The following LRIF1 variants were observed in gnomAD, a reference collection of about 807,000 sequenced individuals.
LRIF1 encodes ligand dependent nuclear receptor interacting factor 1.
A neutral mutation model predicts 52.7 loss-of-function variants in LRIF1; 32 were observed. The observed-to-expected ratio is 0.61, with a 90% CI of 0.46 to 0.82. The LOEUF is 0.82. Among genes scored for constraint, LRIF1 ranks in the 40% least tolerant of loss-of-function variants. The pLI is 0.00. For missense variants in LRIF1, 887 were observed against 892.0 expected (o/e 0.99, Z 0.07); for synonymous variants, 323 against 317.4 (o/e 1.02, Z -0.19).
At chr1:110,936,380 A>G in the LRIF1 span, 1 of 152,194 alleles carries the variant, frequency 6.6e-6, no homozygotes, top group African/African-American at 2.4e-5. Flanking sequence ...CACAAATAGC[A>G]ATAACTTTTA....
At chr1:110,901,572 G>A in the LRIF1 span, among the ~76,000 whole-genome samples, 10 of 141,122 alleles carry the variant, frequency 7.1e-5, no homozygotes, top group Admixed American at 3.0e-4. Context: ...TGCCTCCCTA[G>A]TTCAAGCAAT....
downstream of LRIF1, among the ~76,000 whole-genome samples, chr1:110,943,005 T>C (rs535441856): frequency 3.4e-4 from 52 of 151,968 alleles, no homozygotes; most frequent in African/African-American, 1.2e-3. Flanking sequence ...TAAGAGATCA[T>C]AGAGAAGGGG....
chr1:110,911,329 G>A, the LRIF1 span, among the ~76,000 whole-genome samples: 5 of 152,210 alleles, frequency 3.3e-5, no homozygotes, highest in East Asian at 9.6e-4. Flanking sequence ...ATCAATTAAT[G>A]AGTTTCAAAA....
the LRIF1 span, among the ~76,000 whole-genome samples, chr1:110,909,732 C>T: frequency 6.6e-6 from 1 of 151,852 alleles, no homozygotes; most frequent in Admixed American, 6.6e-5. Flanking sequence ...AGGCATGCAT[C>T]ACCACACCTG....
At chr1:110,924,573 C>G in the LRIF1 span, among the ~76,000 whole-genome samples, 3 of 152,190 alleles carry the variant, frequency 2.0e-5, no homozygotes, top group Admixed American at 6.5e-5. Flanking sequence ...GTCGTGAGAA[C>G]TCACTATCAT....
chr1:110,901,598 C>T, the LRIF1 span, among the ~76,000 whole-genome samples: 4 of 151,698 alleles, frequency 2.6e-5, no homozygotes, highest in Admixed American at 2.6e-4. Flanking sequence ...GCCTCAGCCT[C>T]CTGAGTAGCT....
chr1:110,961,338 A>G (rs1183945495), intron 1 of LRIF1, among the ~76,000 whole-genome samples: 1 of 152,202 alleles, frequency 6.6e-6, no homozygotes, highest in South Asian at 2.1e-4. Context: ...TTTTTCATCA[A>G]ATGTTTAAAC....
the LRIF1 span, among the ~76,000 whole-genome samples, chr1:110,924,085 A>T: frequency 6.6e-6 from 1 of 152,160 alleles, no homozygotes; most frequent in Non-Finnish European, 1.5e-5. Flanking sequence ...CAGATATAAA[A>T]GTATTGTGAA....
chr1:110,877,368 G>C, the LRIF1 span, among the ~76,000 whole-genome samples: 96 of 152,264 alleles, frequency 6.3e-4, 1 homozygote, highest in Non-Finnish European at 1.2e-3. Flanking sequence ...AGACACCATG[G>C]ACAGGCCTCT....
At chr1:110,959,991 C>T (rs959152287) in intron 1 of LRIF1, among the ~76,000 whole-genome samples, 14 of 151,910 alleles carry the variant, frequency 9.2e-5, no homozygotes, top group Middle Eastern at 3.4e-3. Flanking sequence ...ACATATAGAA[C>T]ATAATATATC....
the LRIF1 span, among the ~76,000 whole-genome samples, chr1:110,909,744 C>T: frequency 2.6e-5 from 4 of 151,912 alleles, no homozygotes; most frequent in African/African-American, 9.7e-5. Flanking sequence ...CCACACCTGG[C>T]TAATTTTTGT....
chr1:110,951,616 T>G lies in LRIF1; in HGVS notation c.1268A>C (p.Gln423Pro). The change falls in exon 2 of 4, where the codon CAG becomes CCG. Residue 423 changes from glutamine (Q) to proline (P), a missense_variant. Physicochemically the swap from Gln to Pro is moderately conservative, Grantham distance 76. Coordinates refer to ENST00000369763, the MANE Select transcript of LRIF1 (RefSeq NM_018372.4). ...NIVLAKSKSS[Q>P]METKSLSNTQ... is the part of the protein sequence containing the mutation. The stretch of plus-strand genomic sequence containing the variant: ...ATTGGAAAGTGATTTTGTCTCCATC[T>G]GGGAAGATTTACTTTTAGCCAAAAC... The G allele has an allele frequency of 6.2e-7, 1 of 1,614,114 alleles. No individual in the cohort carries two copies. The highest frequency in any genetic ancestry group is 8.5e-7 in the Non-Finnish European group (1 of 1,180,006).
At chr1:110,895,200 C>A in the LRIF1 span, 1 of 638,158 alleles carries the variant, frequency 1.6e-6, no homozygotes, top group Non-Finnish European at 2.9e-6. Flanking sequence ...CTATCACAAA[C>A]ATGGGAGCCC....
chr1:110,948,981 T>C (rs1178703533), intron 3 of LRIF1, among the ~76,000 whole-genome samples: 1 of 152,206 alleles, frequency 6.6e-6, no homozygotes, highest in African/African-American at 2.4e-5. Context: ...GGATGACTAG[T>C]TAAAAAGCTA....
At chr1:110,948,995 C>A (rs931508540) in intron 3 of LRIF1, among the ~76,000 whole-genome samples, 7 of 151,850 alleles carry the variant, frequency 4.6e-5, no homozygotes, top group African/African-American at 1.7e-4. Flanking sequence ...AAAGCTATGG[C>A]CATTTTCTTG....
chr1:110,947,841 T>TGATGAAAAAACAA lies in LRIF1; in HGVS notation c.*105_*117dup. ...TATTCCTTAAAGTTGTACAATCGAC[T>TGATGAAAAAACAA]GATGAAAAAACAAGCTTCATATTCA... On this transcript the variant is annotated 3_prime_UTR_variant, in exon 4 of 4. Coordinates refer to ENST00000369763, the MANE Select transcript of LRIF1 (RefSeq NM_018372.4). 7.3e-7 allele frequency: 1 copy of TGATGAAAAAACAA among 1,365,166 alleles called. No homozygotes were observed. The highest frequency in any genetic ancestry group is 9.7e-7 in the Non-Finnish European group (1 of 1,026,072). 84.6% of individuals were successfully genotyped at this position (1,365,166 alleles called of 1,614,324 possible). A position where few individuals can be genotyped will look rare whatever the true frequency, so the allele number is the denominator to read the frequency against.
chr1:110,958,421 C>T (rs1658801408), intron 1 of LRIF1, among the ~76,000 whole-genome samples: 1 of 150,768 alleles, frequency 6.6e-6, no homozygotes, highest in African/African-American at 2.4e-5. Flanking sequence ...TTATATAATG[C>T]TTTCTTTATT....
chr1:110,953,243 ATCTGT>A (rs1251871001), intron 1 of LRIF1, among the ~76,000 whole-genome samples: 1 of 151,476 alleles, frequency 6.6e-6, no homozygotes, highest in Admixed American at 6.6e-5. Flanking sequence ...TTCCCCCTCA[ATCTGT>A]TCTGTCTTCT....
At chr1:110,907,494 A>C in the LRIF1 span, among the ~76,000 whole-genome samples, 2 of 152,138 alleles carry the variant, frequency 1.3e-5, no homozygotes, top group African/African-American at 4.8e-5. Context: ...TCACGCCTGT[A>C]ATCCCAGCAC....
Sources: allele counts gnomAD v4.1 joint callset (sites outside exome capture counted in the v4.1 genomes callset), GRCh38; gene constraint gnomAD v4.1.1; transcripts MANE v1.5; gene names NCBI Gene and HGNC (gene_info 2026-07-23, HGNC 2026-07-21).